Variants in CAP2 observed in about 807,000 individuals in gnomAD.
CAP2 encodes the protein adenylyl cyclase-associated protein 2.
Under a neutral mutation model 57.7 loss-of-function variants are expected in CAP2, and 24 were observed. That is an observed-to-expected ratio of 0.42 (90% confidence interval 0.30 to 0.58). The LOEUF is 0.58. CAP2 is among the 20% of genes least tolerant of loss of function. The pLI, the probability that CAP2 is intolerant of heterozygous loss-of-function variation, is 0.22. For missense variants in CAP2, 501 were observed against 590.3 expected (o/e 0.85, Z 1.57); for synonymous variants, 194 against 207.2 (o/e 0.94, Z 0.55).
chr6:17,442,335 G>A (rs935506445), intron 3 of CAP2, among the ~76,000 whole-genome samples: 3 of 152,152 alleles, frequency 2.0e-5, no homozygotes, highest in Admixed American at 6.6e-5. Flanking sequence ...GATGATGTTC[G>A]CCGCCAGGAA....
chr6:17,533,574 T>TC (rs1181504993), intron 7 of CAP2, among the ~76,000 whole-genome samples: 2 of 146,728 alleles, frequency 1.4e-5, no homozygotes, highest in East Asian at 3.9e-4. Flanking sequence ...TTTTCTTTCT[T>TC]TTTTTTTTTT....
chr6:17,468,780 T>C (rs1760939156), intron 4 of CAP2, among the ~76,000 whole-genome samples: 1 of 152,224 alleles, frequency 6.6e-6, no homozygotes, highest in South Asian at 2.1e-4. Context: ...TCATTTACTT[T>C]TACAGCAGGT....
At chr6:17,539,719 T>G (rs1762856178) in intron 8 of CAP2, among the ~76,000 whole-genome samples, 1 of 152,134 alleles carries the variant, frequency 6.6e-6, no homozygotes, top group African/African-American at 2.4e-5. Context: ...GCTGCATCCT[T>G]GCTTTAGACC....
chr6:17,487,428 C>T (rs996176634), intron 4 of CAP2, among the ~76,000 whole-genome samples: 5 of 151,794 alleles, frequency 3.3e-5, no homozygotes, highest in Non-Finnish European at 7.4e-5. Context: ...TCAGCAGCCT[C>T]ATCACCCAGA....
chr6:17,432,022 A>G (rs1181521605), intron 3 of CAP2, among the ~76,000 whole-genome samples: 2 of 152,188 alleles, frequency 1.3e-5, no homozygotes, highest in Non-Finnish European at 2.9e-5. Context: ...CCTGTGGTAT[A>G]GATGAACATC....
intron 7 of CAP2, among the ~76,000 whole-genome samples, chr6:17,532,614 G>A (rs1762672173): frequency 6.6e-6 from 1 of 151,444 alleles, no homozygotes; most frequent in Non-Finnish European, 1.5e-5. Context: ...CAGGCGTGGT[G>A]GCAGGCACCT....
chr6:17,548,372 A>G (rs1022531022), intron 11 of CAP2, among the ~76,000 whole-genome samples: 1 of 152,076 alleles, frequency 6.6e-6, no homozygotes, highest in Admixed American at 6.6e-5. Flanking sequence ...TCTCAAAAAA[A>G]AAAAGAAAGA....
Position 17,474,020 on chromosome 6 carries a change from A to C in CAP2, c.300+10947A>C, listed in dbSNP as rs144785209. Among the ~76,000 whole-genome samples, 33 of 152,296 alleles carry C rather than the reference A, an allele frequency of 2.2e-4. No homozygotes were observed. In the East Asian group the frequency reaches 6.0e-3, roughly 28 times the overall value. On this transcript the variant is annotated intron_variant, in intron 4 of 12. Coordinates refer to ENST00000229922, the MANE Select transcript of CAP2 (RefSeq NM_006366.3). ...AATTGAAATACACTCTGCCTTCCAG[A>C]GATTTGAAAACAAAATTTTGAACTA...
At chr6:17,434,551 GT>G in intron 3 of CAP2, among the ~76,000 whole-genome samples, 1 of 152,228 alleles carries the variant, frequency 6.6e-6, no homozygotes, top group East Asian at 1.9e-4. Flanking sequence ...TTGAGTAAAT[GT>G]TTGCATGGGT....
intron 4 of CAP2, among the ~76,000 whole-genome samples, chr6:17,474,185 C>CTTTTTTTTTTTTTTTTTTTTTTTGGTTT (rs1761089860): frequency 1.1e-5 from 1 of 93,208 alleles, no homozygotes; most frequent in African/African-American, 4.1e-5. Context: ...AAAAAACAGT[C>CTTTTTTTTTTTTTTTTTTTTTTTGGTTT]TTTTTTTTTT....
intron 7 of CAP2, among the ~76,000 whole-genome samples, chr6:17,528,533 G>T (rs752632563): frequency 6.6e-6 from 1 of 152,150 alleles, no homozygotes; most frequent in Non-Finnish European, 1.5e-5. Context: ...CCACAGGAGG[G>T]TGGGAGGAGT....
chr6:17,417,193 A>C (rs1015997473), intron 1 of CAP2, among the ~76,000 whole-genome samples: 1 of 152,132 alleles, frequency 6.6e-6, no homozygotes, highest in African/African-American at 2.4e-5. Flanking sequence ...TCTCATTATA[A>C]TGAAACTCAA....
intron 3 of CAP2, among the ~76,000 whole-genome samples, chr6:17,432,235 A>G (rs1759755916): frequency 6.6e-6 from 1 of 152,176 alleles, no homozygotes; most frequent in East Asian, 1.9e-4. Context: ...TCTTGAAAAT[A>G]TTTATGGATC....
intron 4 of CAP2, among the ~76,000 whole-genome samples, chr6:17,495,495 T>C (rs1394096028): frequency 6.6e-6 from 1 of 152,110 alleles, no homozygotes; most frequent in East Asian, 1.9e-4. Context: ...GTACATCACG[T>C]TTCATGCTGG....
chr6:17,553,598 A>T (rs1763223787), intron 12 of CAP2, among the ~76,000 whole-genome samples: 1 of 149,108 alleles, frequency 6.7e-6, no homozygotes, highest in African/African-American at 2.5e-5. Context: ...ACGCCACTGC[A>T]CTCCAGCCTG....
intron 12 of CAP2, among the ~76,000 whole-genome samples, chr6:17,555,296 G>C (rs1002385644): frequency 6.6e-6 from 1 of 152,014 alleles, no homozygotes; most frequent in Non-Finnish European, 1.5e-5. Context: ...ATGGGTTCAA[G>C]TGATTCTCCT....
At chr6:17,519,248 G>A (rs1762338088) in intron 7 of CAP2, among the ~76,000 whole-genome samples, 1 of 152,118 alleles carries the variant, frequency 6.6e-6, no homozygotes, top group Non-Finnish European at 1.5e-5. Context: ...GACCGCAGCT[G>A]TGTCAGGCAA....
At chr6:17,442,142 C>T (rs577505354) in intron 3 of CAP2, among the ~76,000 whole-genome samples, 4 of 152,292 alleles carry the variant, frequency 2.6e-5, no homozygotes, top group African/African-American at 9.6e-5. Context: ...TCAGGCAAAG[C>T]TGAATCCTCA....
rs577309406 is a variant in CAP2 at position 17,520,504 on chromosome 6, C to CA, written c.636+6552dup. On this transcript the variant is annotated intron_variant, in intron 7 of 12. Coordinates refer to ENST00000229922, the MANE Select transcript of CAP2 (RefSeq NM_006366.3). ...CCTCTCCTGAACCTCCAGGAAAATG[C>CA]AAGTCGTTGGTGGTGGTTACAATTA... Among the ~76,000 whole-genome samples the CA allele has an allele frequency of 2.5e-4, 38 of 152,258 alleles. 1 individual carries two copies. The East Asian group carries it at 6.4e-3, about 26-fold the overall frequency.
Sources: gnomAD v4.1 joint callset for allele counts (sites outside exome capture counted in the v4.1 genomes callset) on GRCh38, gnomAD v4.1.1 for gene constraint, MANE v1.5 for transcripts, NCBI Gene and HGNC (gene_info 2026-07-23, HGNC 2026-07-21) for gene names.